VWDE: variants seen among roughly 807,000 people sequenced by gnomAD.
VWDE encodes the protein von Willebrand factor D and EGF domain-containing protein.
VWDE carries 207 observed loss-of-function variants against 178.4 expected under a neutral mutation model. That is an observed-to-expected ratio of 1.16 (90% CI 1.04 to 1.30). VWDE has a LOEUF of 1.30. VWDE is among the 50% of genes most tolerant of loss of function. The pLI, the probability that VWDE is intolerant of heterozygous loss-of-function variation, is 0.00. For synonymous variants in VWDE, 738 were observed against 651.4 expected, an observed-to-expected ratio of 1.13 and a Z score of -2.02; for missense variants, 2,287 against 1,901.3, an observed-to-expected ratio of 1.20 and a Z score of -3.77.
At position 12,393,710 on chromosome 7, in the gene VWDE, A is replaced by G. The variant is rs1784497886; in HGVS notation, c.127T>C (p.Trp43Arg). Reference protein sequence around the residue: ...SPYRSVRFDSWHLQQSAVQDL... With the variant: ...SPYRSVRFDSRHLQQSAVQDL... The stretch of plus-strand genomic sequence containing the variant: ...TGAACAGCTGACTGCTGGAGGTGCC[A>G]TGAGTCAAAACGGACACTTCTATAA... Residue 43 changes from tryptophan to arginine, a missense_variant, in exon 2 of 29, where the codon TGG becomes CGG. Coordinates refer to ENST00000275358, the MANE Select transcript of VWDE (RefSeq NM_001135924.3). The G allele has an allele frequency of 6.4e-6, 10 of 1,551,334 alleles. No homozygotes were observed. Among genetic ancestry groups the G allele is most frequent in the Non-Finnish European group, 8.7e-6 (10 of 1,146,722 alleles).
At chr7:12,394,860 A>T (rs1194030119) in intron 1 of VWDE, among the ~76,000 whole-genome samples, 1 of 152,172 alleles carries the variant, frequency 6.6e-6, no homozygotes, top group Non-Finnish European at 1.5e-5. Flanking sequence ...TTATTATATA[A>T]TTTTAAATTA....
chr7:12,382,787 C>G (rs1022550863), intron 4 of VWDE, among the ~76,000 whole-genome samples: 2 of 151,802 alleles, frequency 1.3e-5, no homozygotes, highest in African/African-American at 2.4e-5. Context: ...TTCTGCCCAT[C>G]ATGTAGGCAG....
intron 7 of VWDE, among the ~76,000 whole-genome samples, chr7:12,377,356 A>G (rs1783585570): frequency 6.6e-6 from 1 of 152,196 alleles, no homozygotes; most frequent in South Asian, 2.1e-4. Context: ...ATATTTCATA[A>G]GCTTGAACTT....
intron 19 of VWDE, 96 bp from the exon 20 acceptor site, chr7:12,344,565 T>A (rs1781503139): frequency 1.1e-6 from 1 of 909,842 alleles, no homozygotes; most frequent in Non-Finnish European, 1.7e-6. Flanking sequence ...GTCTCTGAAG[T>A]TTGAATAGTT....
intron 1 of VWDE, among the ~76,000 whole-genome samples, chr7:12,399,599 A>G (rs1025981969): frequency 6.6e-6 from 1 of 152,194 alleles, no homozygotes; most frequent in Non-Finnish European, 1.5e-5. Flanking sequence ...ACTATTCCTA[A>G]AAATATCAGA....
rs1449957112 is a variant in VWDE, at chr7:12,337,256, G to C, written c.4383C>G (p.Pro1461=). 3 of 1,551,770 alleles carry C rather than the reference G, an allele frequency of 1.9e-6. No homozygotes were observed. Among genetic ancestry groups the C allele is most frequent in the Non-Finnish European group, 2.6e-6 (3 of 1,147,002 alleles). The part of the protein sequence containing the change: ...EHCQNAFCHP[P]CKNGGHCMRN... ...TCATGCAGTGGCCACCATTCTTACA[G>C]GGAGGGTGACAGAAAGCTAAAAGAA... is the stretch of plus-strand genomic sequence containing the variant. The change falls in exon 25 of 29, where the codon CCC becomes CCG. Residue 1461 remains proline, a synonymous_variant. Transcript: ENST00000275358.
rs192730270 is a variant in VWDE, at chr7:12,367,284, G to T, written c.2898+73C>A. On this transcript the variant is annotated intron_variant, in intron 13 of 28. Transcript: ENST00000275358. The stretch of plus-strand genomic sequence containing the variant: ...GATTTATGTTGCTAATTGATAGACC[G>T]AATTAATCCAAGATAATATTAATCT... 9 of 1,222,338 alleles carry T rather than the reference G, an allele frequency of 7.4e-6. No homozygotes were observed. The Admixed American group carries it at 2.1e-4, about 29-fold the overall frequency. 75.7% of individuals were successfully genotyped at this position (1,222,338 alleles called of 1,614,324 possible).
intron 12 of VWDE, among the ~76,000 whole-genome samples, chr7:12,367,762 A>C (rs1217370383): frequency 6.6e-6 from 1 of 152,120 alleles, no homozygotes; most frequent in East Asian, 1.9e-4. Flanking sequence ...ATTTTATATC[A>C]ATTAAGGACA....
intron 28 of VWDE, 142 bp downstream of exon 28, chr7:12,333,323 C>A (rs1013103344): frequency 5.0e-6 from 3 of 599,412 alleles, no homozygotes; most frequent in Admixed American, 3.4e-5. Flanking sequence ...AAAAATGATA[C>A]AATTTTTAAT....
intron 21 of VWDE, 62 bp downstream of exon 21, chr7:12,344,133 T>C (rs993502366): frequency 4.2e-6 from 6 of 1,423,836 alleles, no homozygotes; most frequent in Admixed American, 2.1e-5. Context: ...TGTAAAATGG[T>C]TTTTAAAGAA....
rs373983333 is a variant in VWDE, at chr7:12,336,988, G to C, written c.4558C>G (p.Pro1520Ala). ...SGWSGKRCNT[P>A]ICLQKCKNGG... Reference sequence around the variant, plus strand: ...AGTGTTTTAAGAGTATTCCTCTTACGTGTGTTGCATCGTTTCCCACTCCAA... The same window carrying C: ...AGTGTTTTAAGAGTATTCCTCTTACCTGTGTTGCATCGTTTCCCACTCCAA... The change falls in exon 26 of 29, where the codon CCT (proline) becomes GCT (alanine). Residue 1520 changes from proline to alanine, a missense_variant and splice_region_variant. Pro to Ala is a conservative substitution (Grantham distance 27). Coordinates refer to ENST00000275358, the MANE Select transcript of VWDE (RefSeq NM_001135924.3). 16 of 1,549,594 alleles carry C rather than the reference G, an allele frequency of 1.0e-5. No individual in the cohort carries two copies. Among genetic ancestry groups the C allele is most frequent in the African/African-American group, 1.4e-5 (1 of 72,952 alleles).
chr7:12,373,136 T>C lies in VWDE; in HGVS notation c.1428A>G (p.Ser476=), dbSNP rs1323111718. The change falls in exon 10 of 29, where the codon TCA becomes TCG. Residue 476 remains serine, a synonymous_variant. Coordinates refer to ENST00000275358, the MANE Select transcript of VWDE (RefSeq NM_001135924.3). The part of the protein sequence containing the change: ...WDCRSLHYPV[S]CNCGFVAQEG... Reference sequence around the variant, plus strand: ...CCTGGGCAACAAACCCACAATTACATGACACTGGATAGTGAAGGCTTCTGC... The same window carrying C: ...CCTGGGCAACAAACCCACAATTACACGACACTGGATAGTGAAGGCTTCTGC... The C allele has an allele frequency of 9.0e-6, 14 of 1,551,372 alleles. No individual in the cohort carries two copies. The highest frequency in any genetic ancestry group is 1.2e-5 in the Non-Finnish European group (14 of 1,146,810).
intron 11 of VWDE, 43 bp from the exon 12 acceptor site, chr7:12,370,552 A>G: frequency 6.5e-7 from 1 of 1,527,898 alleles, no homozygotes; most frequent in South Asian, 1.2e-5. Context: ...TTTGTACATA[A>G]ACATTTGTTT....
chr7:12,353,081 G>A (rs1190133564), intron 18 of VWDE, among the ~76,000 whole-genome samples: 4 of 152,052 alleles, frequency 2.6e-5, no homozygotes, highest in East Asian at 1.9e-4. Context: ...CTTCCATTAC[G>A]TTGCTTGTGT....
chr7:12,360,299 A>T (rs1782504201), intron 15 of VWDE, among the ~76,000 whole-genome samples: 1 of 152,168 alleles, frequency 6.6e-6, no homozygotes, highest in African/African-American at 2.4e-5. Flanking sequence ...ATTTTACAAA[A>T]TCTCCTTTAA....
At chr7:12,339,313 C>T (rs992502270) in intron 24 of VWDE, among the ~76,000 whole-genome samples, 1 of 152,166 alleles carries the variant, frequency 6.6e-6, no homozygotes, top group Non-Finnish European at 1.5e-5. Flanking sequence ...CTTCAAGTAG[C>T]ATGAAAGATG....
rs528954768 is a variant in VWDE at position 12,344,238 on chromosome 7, A to T, written c.4035T>A (p.Ile1345=). The change falls in exon 21 of 29, where the codon ATT becomes ATA. Residue 1345 remains isoleucine, a synonymous_variant. Transcript: ENST00000275358. Reference sequence around the variant, plus strand: ...CACCATGTCCTGGAAGACACTGACAAATGTTAGGCTTAATACATTTTCCAT... The same window carrying T: ...CACCATGTCCTGGAAGACACTGACATATGTTAGGCTTAATACATTTTCCAT... The part of the protein sequence containing the change: ...KNHGKCIKPN[I]CQCLPGHGGA... 12 of 1,551,320 alleles carry T rather than the reference A, an allele frequency of 7.7e-6. No individual in the cohort carries two copies. The East Asian group carries it at 2.7e-4, about 35-fold the overall frequency.
intron 19 of VWDE, among the ~76,000 whole-genome samples, chr7:12,345,519 T>A (rs1781556646): frequency 6.6e-6 from 1 of 152,144 alleles, no homozygotes; most frequent in South Asian, 2.1e-4. Context: ...ATATTTTGGT[T>A]GATCCAAACT....
chr7:12,403,555 C>G, intron 1 of VWDE, 104 bp downstream of exon 1: 6 of 1,132,936 alleles, frequency 5.3e-6, no homozygotes, highest in Non-Finnish European at 7.3e-6. Context: ...TGCCTTAAAA[C>G]GCACAGGGAC....
Sources: allele counts gnomAD v4.1 joint callset (sites outside exome capture counted in the v4.1 genomes callset), GRCh38; gene constraint gnomAD v4.1.1; transcripts MANE v1.5; gene names NCBI Gene and HGNC (gene_info 2026-07-23, HGNC 2026-07-21).